FHIT: variants seen among roughly 807,000 people sequenced by gnomAD.
FHIT encodes fragile histidine triad diadenosine triphosphatase, also known as bis(5'-adenosyl)-triphosphatase.
Under a neutral mutation model 17.9 loss-of-function variants are expected in FHIT, and 19 were observed. The ratio of observed to expected loss-of-function variants is 1.06; its 90% CI spans 0.74 to 1.56. The LOEUF is 1.56. Among genes scored for constraint, FHIT ranks in the 40% most tolerant of loss-of-function variants. FHIT has a pLI of 0.00. For missense variants in FHIT, 248 were observed against 189.2 expected (o/e 1.31, Z -1.82); for synonymous variants, 81 against 69.7 (o/e 1.16, Z -0.81).
At chr3:60,660,475 T>G (rs370647501) in intron 4 of FHIT, among the ~76,000 whole-genome samples, 50 of 152,088 alleles carry the variant, frequency 3.3e-4, no homozygotes, top group African/African-American at 1.1e-3. Flanking sequence ...TGCCCAAGCC[T>G]TCTCTTGGAA....
intron 1 of FHIT, among the ~76,000 whole-genome samples, chr3:61,213,585 T>C (rs1482389163): frequency 6.6e-6 from 1 of 152,104 alleles, no homozygotes. Flanking sequence ...CTGTCAACAT[T>C]AGACAGATCA....
chr3:60,163,809 G>A (rs186086168), intron 5 of FHIT, among the ~76,000 whole-genome samples: 111 of 152,270 alleles, frequency 7.3e-4, no homozygotes, highest in African/African-American at 2.5e-3. Flanking sequence ...GCCTCCAGAC[G>A]TTGCCAGAAG....
chr3:60,145,556 A>G (rs996954781), intron 5 of FHIT, among the ~76,000 whole-genome samples: 2 of 152,214 alleles, frequency 1.3e-5, no homozygotes, highest in African/African-American at 4.8e-5. Context: ...ATGCAGTGCT[A>G]TGACATAGGC....
chr3:60,295,937 T>C (rs1017585433), intron 5 of FHIT, among the ~76,000 whole-genome samples: 1 of 151,998 alleles, frequency 6.6e-6, no homozygotes, highest in African/African-American at 2.4e-5. Context: ...AGGGACCAGG[T>C]GGGAGATAAT....
chr3:60,086,530 G>A (rs1000055565), intron 5 of FHIT, among the ~76,000 whole-genome samples: 2 of 152,130 alleles, frequency 1.3e-5, no homozygotes, highest in African/African-American at 4.8e-5. Context: ...GAGCCTATAG[G>A]ATCAAAAATA....
At chr3:60,111,762 G>C (rs949494213) in intron 5 of FHIT, among the ~76,000 whole-genome samples, 1 of 152,164 alleles carries the variant, frequency 6.6e-6, no homozygotes, top group Admixed American at 6.5e-5. Context: ...CTCTAGACTA[G>C]CTCTTGTCCT....
intron 7 of FHIT, among the ~76,000 whole-genome samples, chr3:59,961,229 C>A (rs1707663047): frequency 6.6e-6 from 1 of 152,058 alleles, no homozygotes; most frequent in South Asian, 2.1e-4. Context: ...AACTGCTAGG[C>A]CGTTATGGAA....
intron 5 of FHIT, among the ~76,000 whole-genome samples, chr3:60,120,196 G>A (rs965802065): frequency 6.6e-6 from 1 of 152,148 alleles, no homozygotes; most frequent in Non-Finnish European, 1.5e-5. Flanking sequence ...CTTGCCTGAT[G>A]TATGCCTGTC....
intron 1 of FHIT, among the ~76,000 whole-genome samples, chr3:61,249,100 T>C (rs2040551998): frequency 6.6e-6 from 1 of 152,224 alleles, no homozygotes; most frequent in South Asian, 2.1e-4. Context: ...CAATTGGTCC[T>C]GGTCTGTGGC....
At chr3:60,614,292 A>T (rs1260574034) in intron 4 of FHIT, among the ~76,000 whole-genome samples, 2 of 152,218 alleles carry the variant, frequency 1.3e-5, no homozygotes, top group Non-Finnish European at 2.9e-5. Context: ...CTGGAAGCAC[A>T]GAATTCATGT....
intron 3 of FHIT, among the ~76,000 whole-genome samples, chr3:60,920,909 A>G (rs2107314052): frequency 6.6e-6 from 1 of 152,310 alleles, no homozygotes; most frequent in African/African-American, 2.4e-5. Context: ...AAGAAAAATA[A>G]TGTTTCAAAT....
intron 5 of FHIT, among the ~76,000 whole-genome samples, chr3:60,369,178 G>T (rs1442824258): frequency 6.7e-6 from 1 of 149,732 alleles, no homozygotes; most frequent in East Asian, 1.9e-4. Context: ...TCACCATGTT[G>T]CCCAGGCTGG....
intron 5 of FHIT, among the ~76,000 whole-genome samples, chr3:60,241,200 A>G (rs1705112501): frequency 6.6e-6 from 1 of 152,114 alleles, no homozygotes; most frequent in Non-Finnish European, 1.5e-5. Flanking sequence ...ACTTCTTCCT[A>G]AATTCTGTCA....
At chr3:60,942,075 C>G (rs1198672442) in intron 3 of FHIT, among the ~76,000 whole-genome samples, 4 of 152,166 alleles carry the variant, frequency 2.6e-5, no homozygotes, top group African/African-American at 9.7e-5. Context: ...CCTCCACCTC[C>G]TGGATTCAGG....
At chr3:60,977,856 A>G (rs2107545672) in intron 3 of FHIT, among the ~76,000 whole-genome samples, 1 of 152,248 alleles carries the variant, frequency 6.6e-6, no homozygotes, top group South Asian at 2.1e-4. Flanking sequence ...GGACAACGAG[A>G]GCGAAACTCC....
intron 2 of FHIT, among the ~76,000 whole-genome samples, chr3:61,054,634 T>C (rs1351911985): frequency 6.6e-6 from 1 of 152,222 alleles, no homozygotes; most frequent in Non-Finnish European, 1.5e-5. Flanking sequence ...AGAGGTTCTG[T>C]ATAAACCCTG....
intron 2 of FHIT, among the ~76,000 whole-genome samples, chr3:61,158,729 A>G (rs2037604046): frequency 1.3e-5 from 2 of 152,248 alleles, no homozygotes; most frequent in Admixed American, 6.5e-5. Context: ...CACTACAGCA[A>G]TAGGATCTAC....
chr3:60,898,578 C>A (rs1482572750), intron 3 of FHIT, among the ~76,000 whole-genome samples: 1 of 152,160 alleles, frequency 6.6e-6, no homozygotes, highest in Admixed American at 6.5e-5. Flanking sequence ...ACCAGATAAG[C>A]AAATTTAGAA....
chr3:61,211,222 C>A (rs1366893033), intron 1 of FHIT, among the ~76,000 whole-genome samples: 1 of 151,906 alleles, frequency 6.6e-6, no homozygotes, highest in African/African-American at 2.4e-5. Context: ...TCGGGAAGTG[C>A]AAGGGGTCAG....
Sources: gnomAD v4.1 joint callset for allele counts (sites outside exome capture counted in the v4.1 genomes callset) on GRCh38, gnomAD v4.1.1 for gene constraint, MANE v1.5 for transcripts, NCBI Gene and HGNC (gene_info 2026-07-23, HGNC 2026-07-21) for gene names.